The following PPFIA2 variants were observed in gnomAD, a reference collection of about 807,000 sequenced individuals.
The protein encoded by PPFIA2 is liprin-alpha-2.
Under a neutral mutation model 175.5 loss-of-function variants are expected in PPFIA2, and 46 were observed. The observed-to-expected ratio is 0.26, with a 90% CI of 0.21 to 0.34. The LOEUF is 0.34. Among genes scored for constraint, PPFIA2 ranks in the 10% least tolerant of loss-of-function variants. The pLI, the probability that PPFIA2 is intolerant of heterozygous loss-of-function variation, is 1.00. For synonymous variants in PPFIA2, 568 were observed against 511.4 expected (o/e 1.11, Z -1.49); for missense variants, 1,179 against 1,506.1 (o/e 0.78, Z 3.60).
At chr12:81,326,482 GT>G (rs1487730743) in intron 21 of PPFIA2, among the ~76,000 whole-genome samples, 1 of 151,914 alleles carries the variant, frequency 6.6e-6, no homozygotes, top group Admixed American at 6.6e-5. Context: ...TTCTTGTGTT[GT>G]TTTTTAAACT....
intron 3 of PPFIA2, among the ~76,000 whole-genome samples, chr12:81,734,417 TAGA>T (rs1356347416): frequency 1.3e-5 from 2 of 151,752 alleles, no homozygotes; most frequent in African/African-American, 2.4e-5. Flanking sequence ...TGTGACAGAA[TAGA>T]AGAATACAAA....
At chr12:81,466,719 C>T (rs2055698879) in intron 4 of PPFIA2, among the ~76,000 whole-genome samples, 1 of 151,848 alleles carries the variant, frequency 6.6e-6, no homozygotes, top group Non-Finnish European at 1.5e-5. Flanking sequence ...GGAGAGGTCA[C>T]TACAGATTGG....
intron 3 of PPFIA2, among the ~76,000 whole-genome samples, chr12:81,741,082 A>C (rs1168345420): frequency 6.6e-6 from 1 of 152,226 alleles, no homozygotes; most frequent in Admixed American, 6.5e-5. Context: ...AATCCACAGA[A>C]ATTGTGTCAA....
chr12:81,490,392 G>A (rs1448335711), intron 4 of PPFIA2, among the ~76,000 whole-genome samples: 1 of 151,922 alleles, frequency 6.6e-6, no homozygotes, highest in Non-Finnish European at 1.5e-5. Context: ...CATGCAGGCT[G>A]TCAGCATCAT....
At chr12:81,557,603 T>G (rs2069133339) in intron 4 of PPFIA2, among the ~76,000 whole-genome samples, 1 of 152,058 alleles carries the variant, frequency 6.6e-6, no homozygotes, top group African/African-American at 2.4e-5. Context: ...CTATCAATTG[T>G]TCCAGGAATC....
intron 4 of PPFIA2, among the ~76,000 whole-genome samples, chr12:81,669,009 A>T (rs537120198): frequency 6.6e-6 from 1 of 152,154 alleles, no homozygotes; most frequent in East Asian, 1.9e-4. Context: ...GTGGTCCAGC[A>T]TTAAACCAGA....
intron 22 of PPFIA2, among the ~76,000 whole-genome samples, chr12:81,311,330 T>C (rs924107472): frequency 1.3e-5 from 2 of 152,300 alleles, no homozygotes; most frequent in African/African-American, 4.8e-5. Context: ...GCTCTCTATA[T>C]GTAAAAGCTC....
At chr12:81,364,163 A>C (rs2141282797) in intron 14 of PPFIA2, among the ~76,000 whole-genome samples, 1 of 151,942 alleles carries the variant, frequency 6.6e-6, no homozygotes, top group East Asian at 1.9e-4. Flanking sequence ...AAAAGCAACA[A>C]CACGTGCATA....
At position 81,513,434 on chromosome 12, in the gene PPFIA2, A is replaced by G. The variant is rs563567146; in HGVS notation, c.304-55568T>C. On this transcript the variant is annotated intron_variant, in intron 4 of 32. Coordinates refer to ENST00000549396, the MANE Select transcript of PPFIA2 (RefSeq NM_003625.5). ...CAAAGGAAAATAAGTCATTATACGA[A>G]AAAGAAACATGCACCTGCAAGTTTA... Among the ~76,000 whole-genome samples the G allele has an allele frequency of 1.8e-4, 27 of 152,136 alleles. No homozygotes were observed. The South Asian group carries it at 5.2e-3, about 29-fold the overall frequency.
chr12:81,478,611 A>G (rs2057787705), intron 4 of PPFIA2, among the ~76,000 whole-genome samples: 4 of 152,028 alleles, frequency 2.6e-5, no homozygotes, highest in Admixed American at 2.6e-4. Flanking sequence ...ATTCTGCTAC[A>G]TTGTGTCTTT....
chr12:81,343,187 G>A (rs1011263506), intron 19 of PPFIA2, among the ~76,000 whole-genome samples: 13 of 151,802 alleles, frequency 8.6e-5, no homozygotes, highest in African/African-American at 1.2e-4. Flanking sequence ...TATTTAACTC[G>A]TTCCCCGATA....
chr12:81,577,520 C>T (rs2073763022), intron 4 of PPFIA2, among the ~76,000 whole-genome samples: 1 of 151,816 alleles, frequency 6.6e-6, no homozygotes, highest in East Asian at 1.9e-4. Flanking sequence ...GGTTGGACAC[C>T]TGTTGACAAA....
intron 7 of PPFIA2, among the ~76,000 whole-genome samples, chr12:81,431,791 C>G (rs943175902): frequency 3.3e-5 from 5 of 152,100 alleles, no homozygotes; most frequent in African/African-American, 1.2e-4. Flanking sequence ...CCAATCACAT[C>G]TCTTCTCTTC....
chr12:81,482,409 A>C (rs1463636186), intron 4 of PPFIA2, among the ~76,000 whole-genome samples: 2 of 152,228 alleles, frequency 1.3e-5, no homozygotes, highest in Admixed American at 6.5e-5. Flanking sequence ...AAGGATTATA[A>C]TTCATTCTAC....
intron 4 of PPFIA2, among the ~76,000 whole-genome samples, chr12:81,494,280 A>G (rs992143533): frequency 8.5e-5 from 13 of 152,180 alleles, no homozygotes; most frequent in Non-Finnish European, 1.3e-4. Context: ...AAAAGTGGGC[A>G]AAGGACATGA....
chr12:81,632,717 A>G (rs150977151), intron 4 of PPFIA2, among the ~76,000 whole-genome samples: 94 of 152,236 alleles, frequency 6.2e-4, no homozygotes, highest in African/African-American at 2.2e-3. Flanking sequence ...GGAAATATGC[A>G]AGCTACAAAT....
intron 8 of PPFIA2, among the ~76,000 whole-genome samples, chr12:81,386,352 G>C (rs948175506): frequency 6.6e-6 from 1 of 151,672 alleles, no homozygotes; most frequent in Admixed American, 6.6e-5. Flanking sequence ...GGCTGTATGT[G>C]GTGGCTGGCT....
At chr12:81,685,340 G>A (rs1262086599) in intron 3 of PPFIA2, among the ~76,000 whole-genome samples, 1 of 151,930 alleles carries the variant, frequency 6.6e-6, no homozygotes, top group Non-Finnish European at 1.5e-5. Flanking sequence ...GGGAGGCATA[G>A]AATAAGCAGG....
intron 4 of PPFIA2, among the ~76,000 whole-genome samples, chr12:81,529,559 A>AAGAGAGAGAGAGAG (rs60373881): frequency 5.5e-5 from 8 of 145,780 alleles, no homozygotes; most frequent in African/African-American, 2.0e-4. Flanking sequence ...GGGCAGTGGA[A>AAGAGAGAGAGAGAG]AGAGAGAGAG....
Sources: gnomAD v4.1 joint callset for allele counts (sites outside exome capture counted in the v4.1 genomes callset) on GRCh38, gnomAD v4.1.1 for gene constraint, MANE v1.5 for transcripts, NCBI Gene and HGNC (gene_info 2026-07-23, HGNC 2026-07-21) for gene names.